Variants in PMM2 observed in about 807,000 individuals in gnomAD.
The protein encoded by PMM2 is mannose-6-phosphate isomerase.
A neutral mutation model predicts 33.2 loss-of-function variants in PMM2; 35 were observed. That is an observed-to-expected ratio of 1.06 (90% CI 0.81 to 1.40). The LOEUF is 1.40. Ranked by LOEUF, PMM2 falls within the 40% of genes most tolerant of loss-of-function variation. The probability of loss-of-function intolerance (pLI) is 0.00; values close to 1 mark genes in which losing one functional copy is unlikely to be tolerated. For missense variants in PMM2, 386 were observed against 306.0 expected (o/e 1.26, Z -1.95); for synonymous variants, 153 against 114.7 (o/e 1.33, Z -2.13).
At position 8,806,440 on chromosome 16, in the gene PMM2, G is replaced by A. The variant is rs376242247; in HGVS notation, c.347+33G>A. On this transcript the variant is annotated intron_variant, in intron 4 of 7. Transcript: ENST00000268261. Reference sequence around the variant, plus strand: ...TGCTTTTAACAAAGAGGCGTCACAGGAACATAGCGTAGTGTCACATGGTGG... The same window carrying A: ...TGCTTTTAACAAAGAGGCGTCACAGAAACATAGCGTAGTGTCACATGGTGG... 22 of 1,307,802 alleles carry A rather than the reference G, an allele frequency of 1.7e-5. No homozygotes were observed. In the African/African-American group the frequency reaches 2.6e-4, roughly 15 times the overall value. 81.0% of individuals were successfully genotyped at this position (1,307,802 alleles called of 1,614,324 possible). A position where few individuals can be genotyped will look rare whatever the true frequency, so the allele number is the denominator to read the frequency against.
intron 7 of PMM2, among the ~76,000 whole-genome samples, chr16:8,834,175 T>G (rs1189050481): frequency 6.6e-6 from 1 of 151,064 alleles, no homozygotes; most frequent in Admixed American, 6.6e-5. Flanking sequence ...GAAGGGAAAG[T>G]GGTAAAAGTA....
intron 7 of PMM2, chr16:8,832,620 C>G (rs753950709): frequency 1.0e-6 from 1 of 985,314 alleles, no homozygotes; most frequent in Admixed American, 6.1e-5. Context: ...TCTTTGCACC[C>G]TGGCCGGCTG....
intron 5 of PMM2, 26 bp from the exon 6 acceptor site, chr16:8,811,611 CA>C: frequency 7.0e-7 from 1 of 1,438,294 alleles, no homozygotes; most frequent in Middle Eastern, 1.8e-4. Context: ...ATACAAGAAA[CA>C]ATTGGTATCT....
intron 2 of PMM2, among the ~76,000 whole-genome samples, chr16:8,802,620 G>A (rs1420421576): frequency 1.3e-5 from 2 of 152,044 alleles, no homozygotes; most frequent in African/African-American, 2.4e-5. Flanking sequence ...CCTGAGGTCA[G>A]GAGTTTGAGA....
intron 3 of PMM2, among the ~76,000 whole-genome samples, chr16:8,805,648 A>C (rs1191955098): frequency 6.6e-6 from 1 of 151,028 alleles, no homozygotes; most frequent in East Asian, 1.9e-4. Context: ...GCTGGAGTGC[A>C]GTGGCTCAAT....
intron 7 of PMM2, among the ~76,000 whole-genome samples, chr16:8,820,348 C>CTTTTTTTTTTTTTTTTTTTTTTTTTTT (rs1451905873): frequency 7.6e-6 from 1 of 131,362 alleles, no homozygotes. Context: ...GGACACAGTT[C>CTTTTTTTTTTTTTTTTTTTTTTTTTTT]TTCTTTTTTT....
In PMM2 at chr16:8,806,381, T is replaced by C. The variant is rs1567158489; in HGVS notation, c.321T>C (p.Ile107=). The C allele has an allele frequency of 6.2e-7, 1 of 1,613,218 alleles. No homozygotes were observed. Among genetic ancestry groups the C allele is most frequent in the Admixed American group, 1.7e-5 (1 of 60,022 alleles). The change falls in exon 4 of 8, where the codon ATT becomes ATC. Residue 107 remains isoleucine (I), a synonymous_variant. Coordinates refer to ENST00000268261, the MANE Select transcript of PMM2 (RefSeq NM_000303.3). Reference sequence around the variant, plus strand: ...TAATCAACTACTGTCTGAGCTACATTGCGAAAATTAAACTCCCGAAGAAGA... The same window carrying C: ...TAATCAACTACTGTCTGAGCTACATCGCGAAAATTAAACTCCCGAAGAAGA... The part of the protein sequence containing the change: ...QDLINYCLSY[I]AKIKLPKKRG...
At chr16:8,838,580 G>A (rs1367905948) in intron 7 of PMM2, among the ~76,000 whole-genome samples, 2 of 151,928 alleles carry the variant, frequency 1.3e-5, no homozygotes, top group Admixed American at 1.3e-4. Flanking sequence ...GAGGTCTTGT[G>A]GTAAGGGGTG....
intron 7 of PMM2, among the ~76,000 whole-genome samples, chr16:8,836,305 G>C (rs1436080805): frequency 6.6e-6 from 1 of 152,062 alleles, no homozygotes; most frequent in Non-Finnish European, 1.5e-5. Flanking sequence ...CCGAGATCTG[G>C]GAAGGAGTCA....
intron 7 of PMM2, among the ~76,000 whole-genome samples, chr16:8,837,526 G>C (rs1478948614): frequency 6.6e-6 from 1 of 151,758 alleles, no homozygotes; most frequent in Non-Finnish European, 1.5e-5. Context: ...CGGAGAAGGG[G>C]TGGGGGGTTC....
intron 4 of PMM2, among the ~76,000 whole-genome samples, chr16:8,807,383 C>A (rs8062557): frequency 0.85 from 129,330 of 152,048 alleles, 56,131 homozygotes; most frequent in East Asian, 0.97. Context: ...GCTCCCAGTT[C>A]CCTGCCGGCA....
At position 8,832,248 on chromosome 16, in the gene PMM2, G is replaced by A. The variant is rs549192688; in HGVS notation, c.640-15476G>A. ...GGAGAGAAAGGAAGGCCTGAGGCAG[G>A]TTGTGTTTGTGATGCAGATGCTCCT... On this transcript the variant is annotated intron_variant, in intron 7 of 7. Coordinates refer to ENST00000268261, the MANE Select transcript of PMM2 (RefSeq NM_000303.3). 5 of 985,440 alleles carry A rather than the reference G, an allele frequency of 5.1e-6. No individual in the cohort carries two copies. The African/African-American group carries it at 5.2e-5, about 10-fold the overall frequency. 61.0% of individuals were successfully genotyped at this position (985,440 alleles called of 1,614,324 possible). A position where few individuals can be genotyped will look rare whatever the true frequency, so the allele number is the denominator to read the frequency against.
chr16:8,832,630 G>T (rs1394956672), intron 7 of PMM2: 2 of 985,282 alleles, frequency 2.0e-6, no homozygotes, highest in South Asian at 4.7e-5. Flanking sequence ...CTGGCCGGCT[G>T]CAGGAGCCTC....
chr16:8,798,825 C>T (rs1311760023), intron 1 of PMM2, among the ~76,000 whole-genome samples: 1 of 152,204 alleles, frequency 6.6e-6, no homozygotes, highest in African/African-American at 2.4e-5. Flanking sequence ...TCCTCAGCTT[C>T]TACCCTCACC....
intron 7 of PMM2, among the ~76,000 whole-genome samples, chr16:8,824,086 A>G (rs556081379): frequency 6.6e-6 from 1 of 152,360 alleles, no homozygotes; most frequent in African/African-American, 2.4e-5. Context: ...AGAGAAGGCA[A>G]TATGCTCTAA....
At chr16:8,802,848 A>AT (rs1357186326) in intron 2 of PMM2, among the ~76,000 whole-genome samples, 3 of 144,088 alleles carry the variant, frequency 2.1e-5, no homozygotes, top group Non-Finnish European at 4.6e-5. Context: ...AAAAAAAATT[A>AT]TAAGTGGAGA....
chr16:8,799,874 T>C (rs2060603115), intron 1 of PMM2, among the ~76,000 whole-genome samples: 1 of 152,176 alleles, frequency 6.6e-6, no homozygotes, highest in Non-Finnish European at 1.5e-5. Flanking sequence ...CAATTCTAGA[T>C]TCTGTCTAAT....
chr16:8,840,681 A>C (rs1207885005), intron 7 of PMM2, among the ~76,000 whole-genome samples: 1 of 151,986 alleles, frequency 6.6e-6, no homozygotes, highest in Non-Finnish European at 1.5e-5. Flanking sequence ...AGGAGGGATT[A>C]GGCTGGCTGT....
At chr16:8,833,662 T>A (rs144163928) in intron 7 of PMM2, among the ~76,000 whole-genome samples, 32 of 150,750 alleles carry the variant, frequency 2.1e-4, no homozygotes, top group African/African-American at 7.8e-4. Flanking sequence ...AGGGGTGATA[T>A]TGTGGGGATG....
Sources: allele counts gnomAD v4.1 joint callset (sites outside exome capture counted in the v4.1 genomes callset), GRCh38; gene constraint gnomAD v4.1.1; transcripts MANE v1.5; gene names NCBI Gene and HGNC (gene_info 2026-07-23, HGNC 2026-07-21).